Variants in ME3 observed in about 807,000 individuals in gnomAD.
The protein encoded by ME3 is malic enzyme 3, also known as NADP-dependent malic enzyme, mitochondrial.
In ME3, 48 loss-of-function variants were observed where a neutral mutation model predicts 68.9. The ratio of observed to expected loss-of-function variants is 0.70; its 90% confidence interval spans 0.55 to 0.89. ME3 has a LOEUF of 0.89. Among genes scored for constraint, ME3 ranks in the 40% least tolerant of loss-of-function variants. ME3 has a pLI of 0.00. For missense variants in ME3, 675 were observed against 797.4 expected, an observed-to-expected ratio of 0.85 and a Z score of 1.85; for synonymous variants, 320 against 318.8, an observed-to-expected ratio of 1.00 and a Z score of -0.04.
At chr11:86,467,428 AAAT>A (rs1950536635) in intron 7 of ME3, among the ~76,000 whole-genome samples, 1 of 152,086 alleles carries the variant, frequency 6.6e-6, no homozygotes, top group Admixed American at 6.5e-5. Flanking sequence ...TCCCATGCAC[AAAT>A]ATAATGCCAT....
At chr11:86,481,910 G>A (rs541173740) in intron 7 of ME3, among the ~76,000 whole-genome samples, 2 of 152,280 alleles carry the variant, frequency 1.3e-5, no homozygotes, top group African/African-American at 2.4e-5. Flanking sequence ...AATCAACCAT[G>A]ATGCTCATCC....
rs367742210 is a variant in ME3, at chr11:86,571,006, A to T, written c.184-11183T>A. 5.9e-5 allele frequency among the ~76,000 whole-genome samples: 9 copies of T among 152,318 alleles called. No individual in the cohort carries two copies. In the East Asian group the frequency reaches 1.7e-3, roughly 29 times the overall value. Reference sequence around the variant, plus strand: ...TCATTGTGTCAAAGGAGAATGTTAAAATTTCTGTGAATTCAAAGATGAGGT... The same window carrying T: ...TCATTGTGTCAAAGGAGAATGTTAATATTTCTGTGAATTCAAAGATGAGGT... On this transcript the variant is annotated intron_variant, in intron 2 of 14. Coordinates refer to ENST00000543262, the Ensembl canonical transcript of ME3.
intron 4 of ME3, among the ~76,000 whole-genome samples, chr11:86,553,536 C>A (rs973338316): frequency 6.6e-6 from 1 of 152,134 alleles, no homozygotes; most frequent in Non-Finnish European, 1.5e-5. Context: ...GGAATCCACA[C>A]CTGGAAAGCA....
chr11:86,447,003 G>T (rs1949341007), intron 12 of ME3, 62 bp downstream of exon 12: 4 of 1,576,974 alleles, frequency 2.5e-6, no homozygotes, highest in South Asian at 1.2e-5. Context: ...CCCTCATGAG[G>T]TTACTCATTG....
chr11:86,531,032 A>G (rs1469251292), intron 4 of ME3, among the ~76,000 whole-genome samples: 1 of 152,176 alleles, frequency 6.6e-6, no homozygotes, highest in African/African-American at 2.4e-5. Context: ...TCTGCACAGC[A>G]AAAGAAACTA....
At chr11:86,498,222 C>T in intron 5 of ME3, 98 bp from the exon 6 acceptor site, 1 of 1,395,002 alleles carries the variant, frequency 7.2e-7, no homozygotes, top group Non-Finnish European at 9.6e-7. Context: ...CGACTGGATG[C>T]CCACTGACTT....
At chr11:86,487,827 A>G (rs537796669) in intron 6 of ME3, among the ~76,000 whole-genome samples, 2 of 152,346 alleles carry the variant, frequency 1.3e-5, no homozygotes, top group South Asian at 4.1e-4. Context: ...GATATTTATC[A>G]GCATCTCTGG....
At chr11:86,651,041 T>C (rs1041754891) in intron 2 of ME3, among the ~76,000 whole-genome samples, 9 of 152,106 alleles carry the variant, frequency 5.9e-5, no homozygotes, top group South Asian at 4.1e-4. Flanking sequence ...GCAGCGAGGC[T>C]GGGGGAGGGG....
At chr11:86,531,404 C>A (rs1210409157) in intron 4 of ME3, among the ~76,000 whole-genome samples, 1 of 152,152 alleles carries the variant, frequency 6.6e-6, no homozygotes, top group African/African-American at 2.4e-5. Context: ...GTTGGTGGGA[C>A]TGTAAACTAG....
chr11:86,574,405 G>GT (rs1957972983), intron 2 of ME3, among the ~76,000 whole-genome samples: 1 of 148,968 alleles, frequency 6.7e-6, no homozygotes, highest in African/African-American at 2.5e-5. Flanking sequence ...GCCGGGGGGG[G>GT]GGGGGGTGTC....
intron 7 of ME3, among the ~76,000 whole-genome samples, chr11:86,471,882 T>A (rs1028437378): frequency 3.3e-5 from 5 of 152,158 alleles, no homozygotes; most frequent in African/African-American, 1.2e-4. Context: ...ACCTCACAGA[T>A]TTCACAGTTG....
chr11:86,535,716 T>G (rs189686989), intron 4 of ME3, among the ~76,000 whole-genome samples: 53 of 152,352 alleles, frequency 3.5e-4, no homozygotes, highest in African/African-American at 1.2e-3. Flanking sequence ...CTTTTTACAT[T>G]TACTTTTTAC....
At chr11:86,511,593 C>G (rs2139117733) in intron 4 of ME3, among the ~76,000 whole-genome samples, 1 of 152,282 alleles carries the variant, frequency 6.6e-6, no homozygotes, top group South Asian at 2.1e-4. Flanking sequence ...TGATAATAGT[C>G]TCTCCATGAA....
intron 2 of ME3, among the ~76,000 whole-genome samples, chr11:86,669,864 G>C (rs561538351): frequency 2.0e-5 from 3 of 152,298 alleles, no homozygotes; most frequent in Admixed American, 2.0e-4. Flanking sequence ...ACTTAACAAA[G>C]CAATAAATGC....
At chr11:86,631,568 T>C (rs1315999518) in intron 2 of ME3, among the ~76,000 whole-genome samples, 1 of 152,142 alleles carries the variant, frequency 6.6e-6, no homozygotes, top group Non-Finnish European at 1.5e-5. Flanking sequence ...TTCTCAGACC[T>C]AATAGATCAG....
intron 8 of ME3, among the ~76,000 whole-genome samples, chr11:86,460,010 GGCCCCTTGTGT>G (rs1950152277): frequency 6.6e-6 from 1 of 152,222 alleles, no homozygotes; most frequent in Non-Finnish European, 1.5e-5. Context: ...CCCTGGACCT[GGCCCCTTGTGT>G]GGCTCTCCTT....
chr11:86,634,057 C>T (rs1246309581), intron 2 of ME3, among the ~76,000 whole-genome samples: 2 of 152,146 alleles, frequency 1.3e-5, no homozygotes, highest in African/African-American at 4.8e-5. Flanking sequence ...CCAAATCCCT[C>T]CCAAAATACA....
At chr11:86,587,671 C>T (rs773895340) in intron 2 of ME3, among the ~76,000 whole-genome samples, 6 of 152,160 alleles carry the variant, frequency 3.9e-5, no homozygotes, top group African/African-American at 7.2e-5. Context: ...TAGAAAAAGC[C>T]GTCATTCACG....
At chr11:86,610,915 G>A (rs547263394) in intron 2 of ME3, among the ~76,000 whole-genome samples, 155 of 152,310 alleles carry the variant, frequency 1.0e-3, no homozygotes, top group African/African-American at 3.6e-3. Flanking sequence ...CACAGTGGAC[G>A]ATGGCAGACA....
Sources: gnomAD v4.1 joint callset for allele counts (sites outside exome capture counted in the v4.1 genomes callset) on GRCh38, gnomAD v4.1.1 for gene constraint, MANE v1.5 for transcripts, NCBI Gene and HGNC (gene_info 2026-07-23, HGNC 2026-07-21) for gene names.